The following ANKFN1 variants were observed in gnomAD, a reference collection of about 807,000 sequenced individuals.
ANKFN1 encodes the protein ankyrin repeat and fibronectin type III domain containing 1, also known as ankyrin repeat and fibronectin type-III domain-containing protein 1.
Under a neutral mutation model 108.7 loss-of-function variants are expected in ANKFN1, and 74 were observed. That is an observed-to-expected ratio of 0.68 (90% CI 0.56 to 0.83). The LOEUF (loss-of-function observed/expected upper bound fraction) is 0.83. ANKFN1 is among the 40% of genes least tolerant of loss of function. The pLI is 0.00. For missense variants in ANKFN1, 1,505 were observed against 1,382.3 expected (o/e 1.09, Z -1.41); for synonymous variants, 547 against 516.2 (o/e 1.06, Z -0.81).
chr17:56,418,198 T>C (rs1161712500), intron 8 of ANKFN1, among the ~76,000 whole-genome samples: 1 of 152,206 alleles, frequency 6.6e-6, no homozygotes, highest in Non-Finnish European at 1.5e-5. Context: ...ATCGAAACTA[T>C]TTGACACTGT....
At chr17:56,496,038 CT>C (rs768320067) in intron 19 of ANKFN1, among the ~76,000 whole-genome samples, 29 of 151,906 alleles carry the variant, frequency 1.9e-4, no homozygotes, top group Non-Finnish European at 3.5e-4. Context: ...GAATTTGGAC[CT>C]TAAAATCAGG....
At chr17:56,297,167 C>T (rs761881354) in intron 3 of ANKFN1, among the ~76,000 whole-genome samples, 7 of 152,152 alleles carry the variant, frequency 4.6e-5, no homozygotes, top group Admixed American at 1.3e-4. Context: ...GAGGTTGCTT[C>T]GGATCATTGG....
At chr17:56,198,785 G>A (rs1018487150) in intron 1 of ANKFN1, among the ~76,000 whole-genome samples, 1 of 152,006 alleles carries the variant, frequency 6.6e-6, no homozygotes, top group Non-Finnish European at 1.5e-5. Context: ...CAGACACCTG[G>A]GTCTGTTTCT....
intron 1 of ANKFN1, among the ~76,000 whole-genome samples, chr17:56,175,048 G>GA (rs1215877079): frequency 8.6e-5 from 13 of 151,788 alleles, no homozygotes; most frequent in Non-Finnish European, 1.9e-4. Context: ...AGTAATACAG[G>GA]AAAAAAACCT....
rs530613164 is a variant in ANKFN1, at chr17:56,202,807, G to A, written c.-70-9791G>A. Among the ~76,000 whole-genome samples, 3 of 151,868 alleles carry A rather than the reference G, an allele frequency of 2.0e-5. No homozygotes were observed. The South Asian group carries it at 6.2e-4, about 32-fold the overall frequency. On this transcript the variant is annotated intron_variant, in intron 1 of 20. Coordinates refer to ENST00000682825, the MANE Select transcript of ANKFN1 (RefSeq NM_001370326.1). ...TTCTGGAACTGTTCAAAAAGGTTTTGAAAAAAATATAATGATGCGAAAGAA... is the reference window on the plus strand; with the variant it reads ...TTCTGGAACTGTTCAAAAAGGTTTTAAAAAAAATATAATGATGCGAAAGAA...
intron 8 of ANKFN1, 80 bp from the exon 9 acceptor site, chr17:56,440,247 G>T: frequency 1.2e-6 from 1 of 805,084 alleles, no homozygotes; most frequent in Non-Finnish European, 2.0e-6. Flanking sequence ...GTATGCTAGA[G>T]TTTCTATGGT....
At chr17:56,375,740 G>A (rs1160262919) in intron 8 of ANKFN1, among the ~76,000 whole-genome samples, 1 of 152,184 alleles carries the variant, frequency 6.6e-6, no homozygotes, top group East Asian at 1.9e-4. Flanking sequence ...AAAATGTACT[G>A]CAGAGGTATT....
At chr17:56,213,011 G>A (rs1598249174) in intron 2 of ANKFN1, among the ~76,000 whole-genome samples, 1 of 152,186 alleles carries the variant, frequency 6.6e-6, no homozygotes, top group East Asian at 1.9e-4. Context: ...GAAGTTCTTT[G>A]TATTTATTCC....
chr17:56,447,254 A>C (rs939933870), intron 10 of ANKFN1, among the ~76,000 whole-genome samples: 2 of 152,148 alleles, frequency 1.3e-5, no homozygotes, highest in Non-Finnish European at 2.9e-5. Flanking sequence ...GAAAAACCTC[A>C]CTTTACAAAG....
At chr17:56,307,979 C>CA (rs1416612532) in intron 3 of ANKFN1, among the ~76,000 whole-genome samples, 1 of 151,958 alleles carries the variant, frequency 6.6e-6, no homozygotes, top group Non-Finnish European at 1.5e-5. Context: ...ATCGCAAGGA[C>CA]AAAAAACCAA....
rs539343425 is a variant in ANKFN1, at chr17:56,459,883, A to T, written c.1557+1904A>T. 5.3e-5 allele frequency among the ~76,000 whole-genome samples: 8 copies of T among 152,268 alleles called. No individual in the cohort carries two copies. In the East Asian group the frequency reaches 1.5e-3, roughly 29 times the overall value. ...AAATCTATAGACCTCACCACTTTTCATAATGCATCAGCCCACTTCTGAAGT... is the reference window on the plus strand; with the variant it reads ...AAATCTATAGACCTCACCACTTTTCTTAATGCATCAGCCCACTTCTGAAGT... On this transcript the variant is annotated intron_variant, in intron 14 of 20. Coordinates refer to ENST00000682825, the MANE Select transcript of ANKFN1 (RefSeq NM_001370326.1).
At chr17:56,140,227 CT>C (rs1374012881) in intron 4 of ANKFN1, among the ~76,000 whole-genome samples, 2 of 152,054 alleles carry the variant, frequency 1.3e-5, no homozygotes, top group Non-Finnish European at 2.9e-5. Flanking sequence ...TTTCCATAAC[CT>C]TTTTTTTCAT....
chr17:56,332,748 C>A (rs925539303), intron 4 of ANKFN1, among the ~76,000 whole-genome samples: 1 of 152,018 alleles, frequency 6.6e-6, no homozygotes, highest in Admixed American at 6.6e-5. Context: ...TTTGAAATCA[C>A]ATAGTGTAAG....
intron 3 of ANKFN1, among the ~76,000 whole-genome samples, chr17:56,255,255 G>A (rs1452054974): frequency 6.6e-6 from 1 of 152,134 alleles, no homozygotes; most frequent in African/African-American, 2.4e-5. Flanking sequence ...TATACTGGAG[G>A]GAAGATTGGT....
intron 8 of ANKFN1, among the ~76,000 whole-genome samples, chr17:56,420,020 C>T (rs966635560): frequency 3.3e-5 from 5 of 152,048 alleles, no homozygotes; most frequent in Non-Finnish European, 7.4e-5. Flanking sequence ...CTGCAGTCTA[C>T]GGCCAAATCC....
chr17:56,357,084 C>T (rs2046395866), intron 6 of ANKFN1, among the ~76,000 whole-genome samples: 1 of 152,080 alleles, frequency 6.6e-6, no homozygotes, highest in Non-Finnish European at 1.5e-5. Context: ...GGATGATAGC[C>T]ATGTTACCAT....
intron 20 of ANKFN1, among the ~76,000 whole-genome samples, chr17:56,499,992 A>ATG (rs1428254718): frequency 6.6e-5 from 10 of 152,180 alleles, no homozygotes; most frequent in African/African-American, 1.9e-4. Flanking sequence ...CATAGGGGGC[A>ATG]GCATGGTGTA....
chr17:56,302,894 A>G (rs1273168704), intron 3 of ANKFN1, among the ~76,000 whole-genome samples: 4 of 152,238 alleles, frequency 2.6e-5, no homozygotes, highest in Non-Finnish European at 4.4e-5. Context: ...TTCTATTCTA[A>G]GAATTGTCAT....
chr17:56,311,444 C>A (rs1381503138), intron 3 of ANKFN1, among the ~76,000 whole-genome samples: 1 of 152,184 alleles, frequency 6.6e-6, no homozygotes. Flanking sequence ...AACTCCAAAA[C>A]TTTTCAGTGC....
Sources: allele counts gnomAD v4.1 joint callset (sites outside exome capture counted in the v4.1 genomes callset), GRCh38; gene constraint gnomAD v4.1.1; transcripts MANE v1.5; gene names NCBI Gene and HGNC (gene_info 2026-07-23, HGNC 2026-07-21).